Variants in NRCAM observed in about 807,000 individuals in gnomAD.
NRCAM encodes the protein neuronal cell adhesion molecule.
In NRCAM, 83 loss-of-function variants were observed where a neutral mutation model predicts 156.5. The ratio of observed to expected loss-of-function variants is 0.53; its 90% CI spans 0.44 to 0.64. The LOEUF (loss-of-function observed/expected upper bound fraction) is 0.64, where lower values mean the gene tolerates loss of function less well. Ranked by LOEUF, NRCAM falls within the 30% of genes least tolerant of loss-of-function variation. The pLI is 0.00. For missense variants in NRCAM, 1,417 were observed against 1,597.3 expected (o/e 0.89, Z 1.92); for synonymous variants, 538 against 563.9 (o/e 0.95, Z 0.65).
chr7:108,371,305 C>A (rs1426201898), intron 2 of NRCAM, among the ~76,000 whole-genome samples: 2 of 152,126 alleles, frequency 1.3e-5, no homozygotes, highest in African/African-American at 4.8e-5. Flanking sequence ...TTGGACATTT[C>A]TTGGAGAATG....
chr7:108,349,397 T>A (rs979970057), intron 2 of NRCAM, among the ~76,000 whole-genome samples: 8 of 151,722 alleles, frequency 5.3e-5, no homozygotes, highest in African/African-American at 1.7e-4. Context: ...GCCTCCCGAG[T>A]AGCTGGGACT....
intron 1 of NRCAM, among the ~76,000 whole-genome samples, chr7:108,422,736 T>C (rs1811772024): frequency 6.6e-6 from 1 of 152,178 alleles, no homozygotes; most frequent in Non-Finnish European, 1.5e-5. Flanking sequence ...TTAATAAAAT[T>C]TCACTGAACA....
intron 2 of NRCAM, among the ~76,000 whole-genome samples, chr7:108,328,984 T>C (rs1390376778): frequency 1.3e-5 from 2 of 152,224 alleles, no homozygotes; most frequent in Non-Finnish European, 2.9e-5. Flanking sequence ...TGCTGTCCAA[T>C]GACTCACAAC....
intron 3 of NRCAM, among the ~76,000 whole-genome samples, chr7:108,306,291 C>T (rs186405905): frequency 1.1e-4 from 16 of 152,094 alleles, no homozygotes; most frequent in African/African-American, 2.7e-4. Flanking sequence ...TGGCTTCATA[C>T]GATAATTTTT....
intron 3 of NRCAM, among the ~76,000 whole-genome samples, chr7:108,250,321 G>A (rs1227107402): frequency 2.0e-5 from 3 of 151,234 alleles, no homozygotes; most frequent in Non-Finnish European, 4.4e-5. Flanking sequence ...AACTACGCAG[G>A]AGGCTGAGGT....
At chr7:108,345,108 G>C (rs1307705925) in intron 2 of NRCAM, among the ~76,000 whole-genome samples, 1 of 152,194 alleles carries the variant, frequency 6.6e-6, no homozygotes, top group Middle Eastern at 3.2e-3. Context: ...ATAGTGGAAT[G>C]ATGAAGTGAA....
At chr7:108,204,472 G>C (rs10487843) in intron 13 of NRCAM, among the ~76,000 whole-genome samples, 35,460 of 152,190 alleles carry the variant, frequency 0.23, 4,370 homozygotes, top group Non-Finnish European at 0.27. Context: ...TTTTAGTTAT[G>C]AGATGTCCAA....
chr7:108,227,090 A>T (rs1258373157), intron 8 of NRCAM, among the ~76,000 whole-genome samples: 1 of 152,172 alleles, frequency 6.6e-6, no homozygotes, highest in Non-Finnish European at 1.5e-5. Flanking sequence ...CATATGACTT[A>T]TTGCCTATTT....
intron 2 of NRCAM, among the ~76,000 whole-genome samples, chr7:108,355,396 A>G (rs1367190510): frequency 6.6e-6 from 1 of 152,214 alleles, no homozygotes; most frequent in Non-Finnish European, 1.5e-5. Context: ...TAAAATAATA[A>G]TAACACATTT....
In NRCAM at chr7:108,189,715, C is replaced by G. The variant is rs2069856683; in HGVS notation, c.1965G>C (p.Leu655=). Residue 655 remains leucine, a synonymous_variant, in exon 20 of 33, where the codon CTG becomes CTC. Coordinates refer to ENST00000379028, the MANE Select transcript of NRCAM (RefSeq NM_001037132.4). ...GAACACTTTTGTCAAGTTGATCTGTCAGTTCTAAGTCAAAGGGAGGATTTG... is the reference window on the plus strand; with the variant it reads ...GAACACTTTTGTCAAGTTGATCTGTGAGTTCTAAGTCAAAGGGAGGATTTG... ...DVPNPPFDLE[L]TDQLDKSVQL... 1.3e-6 allele frequency: 2 copies of G among 1,544,016 alleles called. No homozygotes were observed. Among genetic ancestry groups the G allele is most frequent in the East Asian group, 4.5e-5 (2 of 44,308 alleles).
intron 2 of NRCAM, among the ~76,000 whole-genome samples, chr7:108,368,147 T>G (rs2099603431): frequency 6.6e-6 from 1 of 151,858 alleles, no homozygotes; most frequent in Non-Finnish European, 1.5e-5. Flanking sequence ...TCTGATGTTC[T>G]GCCTAGATCC....
At chr7:108,200,540 T>C (rs1369214157) in intron 13 of NRCAM, among the ~76,000 whole-genome samples, 1 of 152,184 alleles carries the variant, frequency 6.6e-6, no homozygotes, top group South Asian at 2.1e-4. Context: ...TCAGTGATGC[T>C]CACCTACTGC....
chr7:108,275,799 T>C (rs1281766794), intron 3 of NRCAM, among the ~76,000 whole-genome samples: 3 of 152,196 alleles, frequency 2.0e-5, no homozygotes, highest in East Asian at 1.9e-4. Flanking sequence ...TTGCTCTTGC[T>C]TCTCTAGCTC....
intron 3 of NRCAM, among the ~76,000 whole-genome samples, chr7:108,253,081 C>T (rs549218986): frequency 5.3e-5 from 8 of 152,310 alleles, no homozygotes; most frequent in Middle Eastern, 3.4e-3. Context: ...ATTATCTCAG[C>T]GTCTAAGGCA....
intron 1 of NRCAM, among the ~76,000 whole-genome samples, chr7:108,431,542 G>A (rs1261014490): frequency 6.6e-6 from 1 of 152,136 alleles, no homozygotes; most frequent in Non-Finnish European, 1.5e-5. Context: ...TAGCACTTTG[G>A]GAGGCCGAGG....
At chr7:108,347,037 T>TTG in intron 2 of NRCAM, among the ~76,000 whole-genome samples, 1 of 134,560 alleles carries the variant, frequency 7.4e-6, no homozygotes, top group African/African-American at 2.7e-5. Context: ...TTTCTGTTTT[T>TTG]TTTTTTTTTT....
At chr7:108,353,023 T>A (rs185031261) in intron 2 of NRCAM, among the ~76,000 whole-genome samples, 48 of 151,334 alleles carry the variant, frequency 3.2e-4, no homozygotes, top group African/African-American at 8.7e-4. Flanking sequence ...TGTATTTTTT[T>A]AAATTATACG....
At chr7:108,438,999 G>A (rs1370460807) in intron 1 of NRCAM, among the ~76,000 whole-genome samples, 1 of 152,096 alleles carries the variant, frequency 6.6e-6, no homozygotes, top group East Asian at 1.9e-4. Context: ...GACATTAAAT[G>A]TTATGAATTG....
At chr7:108,389,593 T>C (rs1006320056) in intron 2 of NRCAM, among the ~76,000 whole-genome samples, 6 of 152,208 alleles carry the variant, frequency 3.9e-5, no homozygotes, top group Non-Finnish European at 7.3e-5. Flanking sequence ...CAACACTATG[T>C]TGAATAGGAG....
Sources: allele counts gnomAD v4.1 joint callset (sites outside exome capture counted in the v4.1 genomes callset), GRCh38; gene constraint gnomAD v4.1.1; transcripts MANE v1.5; gene names NCBI Gene and HGNC (gene_info 2026-07-23, HGNC 2026-07-21).